NRG3: variants seen among roughly 807,000 people sequenced by gnomAD.
The protein encoded by NRG3 is neuregulin 3.
A neutral mutation model predicts 66.9 loss-of-function variants in NRG3; 31 were observed. The ratio of observed to expected loss-of-function variants is 0.46; its 90% CI spans 0.35 to 0.63. The LOEUF is 0.63. Ranked by LOEUF, NRG3 falls within the 20% of genes least tolerant of loss-of-function variation. NRG3 has a pLI of 0.00. For missense variants in NRG3, 910 were observed against 878.9 expected (o/e 1.04, Z -0.45); for synonymous variants, 393 against 359.4 (o/e 1.09, Z -1.06).
chr10:82,749,585 C>G (rs980267111), intron 3 of NRG3, among the ~76,000 whole-genome samples: 1 of 152,038 alleles, frequency 6.6e-6, no homozygotes, highest in Non-Finnish European at 1.5e-5. Flanking sequence ...TCTACCTTTA[C>G]TGTATTTGGC....
At chr10:82,056,952 G>T (rs1016381041) in intron 1 of NRG3, among the ~76,000 whole-genome samples, 2 of 152,032 alleles carry the variant, frequency 1.3e-5, no homozygotes, top group African/African-American at 2.4e-5. Flanking sequence ...TCTACGTGTA[G>T]AATTCACAAC....
At chr10:82,693,662 C>T (rs2055126607) in intron 2 of NRG3, among the ~76,000 whole-genome samples, 1 of 152,188 alleles carries the variant, frequency 6.6e-6, no homozygotes, top group Non-Finnish European at 1.5e-5. Flanking sequence ...GTCTCGCTGA[C>T]TTCAAGAATG....
chr10:82,144,269 C>G (rs910645022), intron 1 of NRG3, among the ~76,000 whole-genome samples: 7 of 152,126 alleles, frequency 4.6e-5, no homozygotes, highest in African/African-American at 1.4e-4. Flanking sequence ...TTCATCTGTT[C>G]CACATCATGT....
chr10:82,623,343 A>G (rs952642234), intron 2 of NRG3, among the ~76,000 whole-genome samples: 6 of 152,166 alleles, frequency 3.9e-5, no homozygotes, highest in Non-Finnish European at 2.9e-5. Context: ...CGTTCTGTGT[A>G]CTATTGCCTT....
intron 3 of NRG3, among the ~76,000 whole-genome samples, chr10:82,833,755 T>C (rs183956041): frequency 4.1e-4 from 62 of 152,252 alleles, no homozygotes; most frequent in Admixed American, 4.1e-3. Flanking sequence ...ACATTTGAAG[T>C]TTTTTTCAGA....
intron 1 of NRG3, among the ~76,000 whole-genome samples, chr10:81,993,354 A>AT (rs1554878793): frequency 2.0e-5 from 3 of 151,586 alleles, no homozygotes; most frequent in Non-Finnish European, 4.4e-5. Flanking sequence ...TTTTTGTTTT[A>AT]TTTTCTTTTT....
At chr10:82,409,537 G>T (rs1050106321) in intron 2 of NRG3, among the ~76,000 whole-genome samples, 2 of 152,124 alleles carry the variant, frequency 1.3e-5, no homozygotes, top group African/African-American at 2.4e-5. Flanking sequence ...CATGAAGGAC[G>T]TGGGATAAAA....
chr10:82,824,682 A>G (rs1308205942), intron 3 of NRG3, among the ~76,000 whole-genome samples: 1 of 148,844 alleles, frequency 6.7e-6, no homozygotes, highest in Non-Finnish European at 1.5e-5. Context: ...TGAGAACTGT[A>G]TATACAAATA....
chr10:82,357,917 T>G (rs1257096809), intron 1 of NRG3, among the ~76,000 whole-genome samples: 1 of 152,194 alleles, frequency 6.6e-6, no homozygotes, highest in African/African-American at 2.4e-5. Context: ...TTAAGTATAT[T>G]TTTTGTTGAA....
intron 1 of NRG3, among the ~76,000 whole-genome samples, chr10:82,037,281 GGC>G (rs1412141046): frequency 6.6e-6 from 1 of 152,102 alleles, no homozygotes; most frequent in East Asian, 1.9e-4. Context: ...AAACAGTCAT[GGC>G]ACAAGGATCC....
chr10:82,386,719 A>G (rs2086018178), intron 2 of NRG3, among the ~76,000 whole-genome samples: 1 of 152,206 alleles, frequency 6.6e-6, no homozygotes, highest in Admixed American at 6.6e-5. Flanking sequence ...TGTCTTATCA[A>G]ATTACTTCTT....
chr10:82,980,974 G>C (rs552449259), intron 8 of NRG3, among the ~76,000 whole-genome samples: 2 of 152,260 alleles, frequency 1.3e-5, no homozygotes, highest in African/African-American at 4.8e-5. Flanking sequence ...AACTCCCTGG[G>C]ATGAATGTTA....
chr10:82,671,414 T>C (rs1378603286), intron 2 of NRG3, among the ~76,000 whole-genome samples: 1 of 152,206 alleles, frequency 6.6e-6, no homozygotes, highest in Non-Finnish European at 1.5e-5. Flanking sequence ...GCAAGCATCT[T>C]TGACTCCCCG....
intron 2 of NRG3, among the ~76,000 whole-genome samples, chr10:82,622,465 C>A (rs1162378836): frequency 6.6e-6 from 1 of 152,148 alleles, no homozygotes; most frequent in Non-Finnish European, 1.5e-5. Context: ...CATTTCAAAT[C>A]ATTTCTTAAA....
chr10:81,971,764 A>C (rs1421749242), intron 1 of NRG3, among the ~76,000 whole-genome samples: 1 of 152,212 alleles, frequency 6.6e-6, no homozygotes, highest in African/African-American at 2.4e-5. Context: ...TGAAAACTGC[A>C]GGGAGACCAT....
At chr10:82,023,413 G>A (rs1158869585) in intron 1 of NRG3, among the ~76,000 whole-genome samples, 1 of 152,012 alleles carries the variant, frequency 6.6e-6, no homozygotes, top group African/African-American at 2.4e-5. Context: ...AGTGGTGATG[G>A]CAGGTATCCT....
chr10:82,902,471 T>C (rs1165297271), intron 4 of NRG3, among the ~76,000 whole-genome samples: 2 of 152,068 alleles, frequency 1.3e-5, no homozygotes, highest in Non-Finnish European at 2.9e-5. Context: ...TCTTTTTTTA[T>C]GTCAGGGCCA....
At chr10:82,002,426 C>T (rs912895264) in intron 1 of NRG3, among the ~76,000 whole-genome samples, 3 of 152,188 alleles carry the variant, frequency 2.0e-5, no homozygotes, top group African/African-American at 7.2e-5. Flanking sequence ...AGTCTGGGAA[C>T]GTTCAATGTG....
chr10:82,918,415 A>G (rs2132040611), intron 4 of NRG3, among the ~76,000 whole-genome samples: 1 of 152,286 alleles, frequency 6.6e-6, no homozygotes, highest in East Asian at 1.9e-4. Context: ...TTCACAAACC[A>G]CAAGGTTATT....
Sources: gnomAD v4.1 joint callset for allele counts (sites outside exome capture counted in the v4.1 genomes callset) on GRCh38, gnomAD v4.1.1 for gene constraint, MANE v1.5 for transcripts, NCBI Gene and HGNC (gene_info 2026-07-23, HGNC 2026-07-21) for gene names.